The following HIVEP3 variants were observed in gnomAD, a reference collection of about 807,000 sequenced individuals.
HIVEP3 encodes transcription factor HIVEP3.
Under a neutral mutation model 152.8 loss-of-function variants are expected in HIVEP3, and 49 were observed. That is an observed-to-expected ratio of 0.32 (90% CI 0.26 to 0.41). HIVEP3 has a LOEUF of 0.41. Among genes scored for constraint, HIVEP3 ranks in the 10% least tolerant of loss-of-function variants. The pLI is 1.00. For synonymous variants in HIVEP3, 1,269 were observed against 1,289.0 expected (o/e 0.98, Z 0.33); for missense variants, 2,790 against 3,103.3 (o/e 0.90, Z 2.40).
chr1:41,811,374 T>C (rs1439793145), intron 1 of HIVEP3, among the ~76,000 whole-genome samples: 2 of 151,524 alleles, frequency 1.3e-5, no homozygotes, highest in South Asian at 2.1e-4. Flanking sequence ...TTGTATTTCC[T>C]AGAGGAAAAC....
At chr1:41,827,217 C>T (rs1158885525) in intron 1 of HIVEP3, among the ~76,000 whole-genome samples, 4 of 152,200 alleles carry the variant, frequency 2.6e-5, no homozygotes, top group South Asian at 4.1e-4. Flanking sequence ...TCTTGTTCCA[C>T]CACAAATCTC....
chr1:41,788,907 A>G (rs904490450), intron 1 of HIVEP3, among the ~76,000 whole-genome samples: 3 of 152,178 alleles, frequency 2.0e-5, no homozygotes, highest in Non-Finnish European at 4.4e-5. Flanking sequence ...CAAATCCTAC[A>G]TCCTCTGCCA....
At chr1:41,682,434 C>T (rs888446016) in intron 2 of HIVEP3, among the ~76,000 whole-genome samples, 1 of 152,164 alleles carries the variant, frequency 6.6e-6, no homozygotes, top group Non-Finnish European at 1.5e-5. Context: ...TGGCCCAGCC[C>T]CAAGCAGGCT....
chr1:41,718,542 C>A (rs1646629082), intron 1 of HIVEP3, among the ~76,000 whole-genome samples: 1 of 152,148 alleles, frequency 6.6e-6, no homozygotes, highest in African/African-American at 2.4e-5. Flanking sequence ...AGAGATTGAA[C>A]CCTGCTGGAA....
At chr1:41,730,941 C>T (rs1013005374) in intron 1 of HIVEP3, among the ~76,000 whole-genome samples, 2 of 152,132 alleles carry the variant, frequency 1.3e-5, no homozygotes, top group African/African-American at 2.4e-5. Flanking sequence ...GACGCAACTC[C>T]CACAGCCAGA....
chr1:41,927,008 C>T (rs1379267316), intron 1 of HIVEP3, among the ~76,000 whole-genome samples: 2 of 152,212 alleles, frequency 1.3e-5, no homozygotes, highest in African/African-American at 2.4e-5. Flanking sequence ...CTCCTGGAGT[C>T]TGACTCAGCT....
intron 1 of HIVEP3, among the ~76,000 whole-genome samples, chr1:41,746,980 C>T (rs897021921): frequency 2.6e-5 from 4 of 152,062 alleles, no homozygotes; most frequent in African/African-American, 9.7e-5. Context: ...ACCCCCGGCT[C>T]GAGGATCCAT....
intron 2 of HIVEP3, among the ~76,000 whole-genome samples, chr1:41,642,509 G>A (rs1232489632): frequency 2.6e-5 from 4 of 152,126 alleles, no homozygotes; most frequent in African/African-American, 7.2e-5. Flanking sequence ...CTCTGGCCAG[G>A]AATGATCTTT....
chr1:41,781,760 AG>A (rs1449693262), intron 1 of HIVEP3, among the ~76,000 whole-genome samples: 6 of 152,228 alleles, frequency 3.9e-5, no homozygotes, highest in Admixed American at 3.3e-4. Context: ...AGCTACTTGC[AG>A]GCTTGGAAGA....
chr1:41,612,245 T>C (rs79571186), intron 3 of HIVEP3, among the ~76,000 whole-genome samples: 3,532 of 152,284 alleles, frequency 0.023, 149 homozygotes, highest in African/African-American at 0.081. Context: ...GGGACCTCTT[T>C]CCATCTCAGA....
At position 41,627,510 on chromosome 1, in the gene HIVEP3, G is replaced by T. The variant is rs573038476; in HGVS notation, c.-522+1239C>A. Among the ~76,000 whole-genome samples, 11 of 152,244 alleles carry T rather than the reference G, an allele frequency of 7.2e-5. No homozygotes were observed. In the South Asian group the frequency reaches 2.3e-3, roughly 32 times the overall value. On this transcript the variant is annotated intron_variant, in intron 3 of 8. Transcript: ENST00000372583. ...CCTCCTCAGGAGAACCCTGGTCTAGGCCTAGGGCTGGTAGGCCCAAGCTGT... is the reference window on the plus strand; with the variant it reads ...CCTCCTCAGGAGAACCCTGGTCTAGTCCTAGGGCTGGTAGGCCCAAGCTGT...
intron 5 of HIVEP3, among the ~76,000 whole-genome samples, chr1:41,544,831 TCACCACCACCACTACCACCAC>T (rs1643657532): frequency 9.9e-5 from 1 of 10,152 alleles, no homozygotes; most frequent in Non-Finnish European, 2.0e-4. Flanking sequence ...ACCACCACCA[TCACCACCACCACTACCACCAC>T]CACCACCACC....
chr1:41,662,843 G>A lies in HIVEP3; in HGVS notation c.-720-33896C>T, dbSNP rs575161616. Among the ~76,000 whole-genome samples the A allele has an allele frequency of 9.2e-5, 14 of 152,280 alleles. 1 individual carries two copies. The highest frequency in any genetic ancestry group is 3.4e-3 in the Middle Eastern group (1 of 294). On this transcript the variant is annotated intron_variant, in intron 2 of 8. Transcript: ENST00000372583. This position sits in a 1 kb window ranked among gnomAD's most constrained non-coding sequence, Gnocchi z 7.2. ...CCTTGGTCGCACCCGGGCCCAGCGG[G>A]AGTCCATCGCCGTCCCCAAAGTGTG... is the stretch of plus-strand genomic sequence containing the variant.
At chr1:41,564,261 C>T (rs1261686654) in intron 5 of HIVEP3, among the ~76,000 whole-genome samples, 5 of 152,024 alleles carry the variant, frequency 3.3e-5, no homozygotes, top group Non-Finnish European at 7.4e-5. Context: ...GAGGGACGTA[C>T]TCAGAGAATC....
At chr1:41,838,406 T>G (rs1386345290) in intron 1 of HIVEP3, among the ~76,000 whole-genome samples, 1 of 152,106 alleles carries the variant, frequency 6.6e-6, no homozygotes, top group African/African-American at 2.4e-5. Flanking sequence ...ACTGTGTCAT[T>G]TCTTCACTCC....
In HIVEP3 at chr1:41,585,082, C is replaced by T. The variant is rs1029628128; in HGVS notation, c.-285G>A. The T allele has an allele frequency of 2.0e-5, 8 of 401,618 alleles. No individual in the cohort carries two copies. Among genetic ancestry groups the T allele is most frequent in the African/African-American group, 8.2e-5 (4 of 48,672 alleles). 24.9% of individuals were successfully genotyped at this position (401,618 alleles called of 1,614,324 possible). A position where few individuals can be genotyped will look rare whatever the true frequency, so the allele number is the denominator to read the frequency against. ...TCTGCCTGAATGTCTGTCGGGAAAA[C>T]GTCATGAAGGATGTCAGTATTGCCA... On this transcript the variant is annotated 5_prime_UTR_variant, in exon 4 of 9. Coordinates refer to ENST00000372583, the MANE Select transcript of HIVEP3 (RefSeq NM_024503.5).
intron 1 of HIVEP3, among the ~76,000 whole-genome samples, chr1:41,742,620 G>C (rs1470003089): frequency 6.6e-6 from 1 of 152,228 alleles, no homozygotes; most frequent in Non-Finnish European, 1.5e-5. Context: ...ATGTGCACAT[G>C]TATATACTGC....
At chr1:41,816,631 A>T (rs530498748) in intron 1 of HIVEP3, among the ~76,000 whole-genome samples, 1 of 152,272 alleles carries the variant, frequency 6.6e-6, no homozygotes, top group South Asian at 2.1e-4. Flanking sequence ...GTGGGCTGAG[A>T]TCCCACCACT....
chr1:41,514,873 A>G (rs1174687271), intron 7 of HIVEP3, among the ~76,000 whole-genome samples: 1 of 152,244 alleles, frequency 6.6e-6, no homozygotes, highest in Non-Finnish European at 1.5e-5. Context: ...ATAGAGTCTA[A>G]AAGTGGGGGT....
Sources: allele counts gnomAD v4.1 joint callset (sites outside exome capture counted in the v4.1 genomes callset), GRCh38; gene constraint gnomAD v4.1.1; non-coding constraint Gnocchi (gnomAD v3.1); transcripts MANE v1.5; gene names NCBI Gene and HGNC (gene_info 2026-07-23, HGNC 2026-07-21).